OSBPL9: variants seen among roughly 807,000 people sequenced by gnomAD.
OSBPL9 encodes oxysterol-binding protein-related protein 9.
Under a neutral mutation model 106.6 loss-of-function variants are expected in OSBPL9, and 40 were observed. The observed-to-expected ratio is 0.38, with a 90% CI of 0.29 to 0.49. OSBPL9 has a LOEUF of 0.49. OSBPL9 is among the 20% of genes least tolerant of loss of function. OSBPL9 has a pLI of 0.97. For synonymous variants in OSBPL9, 269 were observed against 295.4 expected, an observed-to-expected ratio of 0.91 and a Z score of 0.92; for missense variants, 609 against 887.2, an observed-to-expected ratio of 0.69 and a Z score of 3.98.
intron 2 of OSBPL9, among the ~76,000 whole-genome samples, chr1:51,603,294 G>C (rs550283217): frequency 6.6e-6 from 1 of 152,310 alleles, no homozygotes; most frequent in Admixed American, 6.5e-5. Flanking sequence ...TTATGTGCTG[G>C]TGAAACAAAA....
At chr1:51,763,286 G>A (rs1336290501) in intron 11 of OSBPL9, among the ~76,000 whole-genome samples, 4 of 152,218 alleles carry the variant, frequency 2.6e-5, no homozygotes, top group South Asian at 4.1e-4. Flanking sequence ...GATTACAGGT[G>A]TGAGCCACCG....
chr1:51,704,432 G>T (rs1339849673), intron 3 of OSBPL9, among the ~76,000 whole-genome samples: 4 of 152,198 alleles, frequency 2.6e-5, no homozygotes, highest in Non-Finnish European at 2.9e-5. Flanking sequence ...TTGCGTAGAG[G>T]TGTTTATAGT....
chr1:51,707,206 C>A, intron 3 of OSBPL9: 1 of 371,778 alleles, frequency 2.7e-6, no homozygotes, highest in Non-Finnish European at 5.5e-6. Context: ...TTTTCATTGT[C>A]ATACCAGGAA....
Position 51,787,811 on chromosome 1 carries a change from A to G in OSBPL9, c.*22A>G. 6.3e-7 allele frequency: 1 copy of G among 1,587,810 alleles called. No homozygotes were observed. The highest frequency in any genetic ancestry group is 1.1e-5 in the South Asian group (1 of 90,430). ...TTAGGTTGGAAGATGCAAAGTTTAT[A>G]CCTGATGATCAGGGCAGTAGGCATA... On this transcript the variant is annotated 3_prime_UTR_variant, in exon 24 of 24. Transcript: ENST00000428468.
At chr1:51,552,175 G>A in the OSBPL9 span, among the ~76,000 whole-genome samples, 1 of 152,162 alleles carries the variant, frequency 6.6e-6, no homozygotes, top group Non-Finnish European at 1.5e-5. Flanking sequence ...CTGAGGTTCA[G>A]ACTTCCTTAT....
At chr1:51,695,446 C>T (rs1189163810) in intron 3 of OSBPL9, among the ~76,000 whole-genome samples, 2 of 152,182 alleles carry the variant, frequency 1.3e-5, no homozygotes, top group East Asian at 3.8e-4. Context: ...TACCTTATTT[C>T]CCCTGATTTT....
At chr1:51,733,719 G>C (rs1664992883) in intron 4 of OSBPL9, among the ~76,000 whole-genome samples, 1 of 151,962 alleles carries the variant, frequency 6.6e-6, no homozygotes, top group African/African-American at 2.4e-5. Flanking sequence ...AGGTTGCAGT[G>C]AGCCGAGGTC....
intron 12 of OSBPL9, among the ~76,000 whole-genome samples, chr1:51,766,252 A>G (rs1462548786): frequency 1.3e-5 from 2 of 152,224 alleles, no homozygotes; most frequent in African/African-American, 4.8e-5. Flanking sequence ...AGCATCACCT[A>G]TAGTAATGTG....
chr1:51,538,467 T>C, the OSBPL9 span, among the ~76,000 whole-genome samples: 1 of 152,198 alleles, frequency 6.6e-6, no homozygotes, highest in South Asian at 2.1e-4. Flanking sequence ...AGATTCATTT[T>C]TTTTCCTTCA....
At chr1:51,767,864 G>A (rs1294395864) in intron 12 of OSBPL9, among the ~76,000 whole-genome samples, 1 of 147,408 alleles carries the variant, frequency 6.8e-6, no homozygotes, top group East Asian at 2.0e-4. Context: ...AAGAAAATTC[G>A]AAAATGAAAG....
At chr1:51,657,373 A>G (rs978641110) in intron 2 of OSBPL9, among the ~76,000 whole-genome samples, 1 of 152,232 alleles carries the variant, frequency 6.6e-6, no homozygotes, top group African/African-American at 2.4e-5. Flanking sequence ...TTTCATACAC[A>G]TTCCTATCAT....
chr1:51,761,486 A>C (rs1557824842), intron 10 of OSBPL9, among the ~76,000 whole-genome samples: 1 of 152,200 alleles, frequency 6.6e-6, no homozygotes, highest in Non-Finnish European at 1.5e-5. Context: ...TTTACTTCTT[A>C]AGTGAATTAG....
At chr1:51,669,065 A>G (rs1649220648) in intron 2 of OSBPL9, among the ~76,000 whole-genome samples, 1 of 152,180 alleles carries the variant, frequency 6.6e-6, no homozygotes, top group African/African-American at 2.4e-5. Flanking sequence ...CAGCCTTACA[A>G]CAACCTGGTG....
the OSBPL9 span, among the ~76,000 whole-genome samples, chr1:51,549,867 A>AT: frequency 0.059 from 8,993 of 152,138 alleles, 388 homozygotes; most frequent in Non-Finnish European, 0.093. Context: ...TTAAAAAGGC[A>AT]TTTTTTTTCC....
chr1:51,753,284 A>G (rs780933686), intron 8 of OSBPL9, among the ~76,000 whole-genome samples: 7 of 152,154 alleles, frequency 4.6e-5, no homozygotes, highest in African/African-American at 7.2e-5. Flanking sequence ...GAGCAAGTTT[A>G]TTTATCCTTT....
chr1:51,662,796 G>C (rs1468947489), intron 2 of OSBPL9, among the ~76,000 whole-genome samples: 5 of 147,614 alleles, frequency 3.4e-5, no homozygotes, highest in Non-Finnish European at 7.4e-5. Flanking sequence ...CCAGGGTGGA[G>C]TGCAGTGGCG....
At chr1:51,605,312 C>T (rs1248643767) in intron 2 of OSBPL9, among the ~76,000 whole-genome samples, 1 of 152,090 alleles carries the variant, frequency 6.6e-6, no homozygotes, top group East Asian at 1.9e-4. Flanking sequence ...GAAAATCAGC[C>T]AGGAGCAGTG....
intron 4 of OSBPL9, among the ~76,000 whole-genome samples, chr1:51,723,573 G>A (rs572486197): frequency 1.3e-3 from 194 of 151,770 alleles, no homozygotes; most frequent in African/African-American, 4.4e-3. Flanking sequence ...GAGACAAGGT[G>A]TCTCACTCTG....
intron 4 of OSBPL9, among the ~76,000 whole-genome samples, chr1:51,734,754 A>G (rs1024228831): frequency 4.6e-5 from 7 of 152,208 alleles, no homozygotes; most frequent in South Asian, 2.1e-4. Flanking sequence ...CAGAGCCTAG[A>G]TGACTCTTGC....
Sources: gnomAD v4.1 joint callset for allele counts (sites outside exome capture counted in the v4.1 genomes callset) on GRCh38, gnomAD v4.1.1 for gene constraint, MANE v1.5 for transcripts, NCBI Gene and HGNC (gene_info 2026-07-23, HGNC 2026-07-21) for gene names.